DCLK2: variants seen among roughly 807,000 people sequenced by gnomAD.
DCLK2 encodes the protein serine/threonine-protein kinase DCLK2.
Under a neutral mutation model 78.4 loss-of-function variants are expected in DCLK2, and 31 were observed. That is an observed-to-expected ratio of 0.40 (90% CI 0.30 to 0.53). The LOEUF (loss-of-function observed/expected upper bound fraction) is 0.53. DCLK2 is among the 20% of genes least tolerant of loss of function. The probability of loss-of-function intolerance (pLI) is 0.61; values close to 1 mark genes in which losing one functional copy is unlikely to be tolerated. For synonymous variants in DCLK2, 407 were observed against 374.9 expected, an observed-to-expected ratio of 1.09 and a Z score of -0.99; for missense variants, 872 against 973.7, an observed-to-expected ratio of 0.90 and a Z score of 1.39.
chr4:150,134,318 G>T (rs1039859567), intron 2 of DCLK2, among the ~76,000 whole-genome samples: 1 of 151,994 alleles, frequency 6.6e-6, no homozygotes, highest in African/African-American at 2.4e-5. Context: ...CTGACCTCAG[G>T]TGATCCACCT....
chr4:150,165,618 A>G (rs539564731), intron 2 of DCLK2, among the ~76,000 whole-genome samples: 8 of 152,270 alleles, frequency 5.3e-5, no homozygotes, highest in Admixed American at 1.3e-4. Flanking sequence ...AAATTGGCCT[A>G]TAAAAAAGTA....
chr4:150,186,841 T>C (rs548233189), intron 2 of DCLK2, among the ~76,000 whole-genome samples: 1 of 151,956 alleles, frequency 6.6e-6, no homozygotes, highest in Non-Finnish European at 1.5e-5. Context: ...TGCAGTGAGC[T>C]GTGATCGTGC....
intron 5 of DCLK2, among the ~76,000 whole-genome samples, chr4:150,215,942 C>A (rs1197650446): frequency 6.6e-6 from 1 of 152,164 alleles, no homozygotes; most frequent in Non-Finnish European, 1.5e-5. Context: ...AGGCCTAAAG[C>A]ATCCCAACAT....
At chr4:150,190,392 A>C (rs1434719781) in intron 2 of DCLK2, among the ~76,000 whole-genome samples, 1 of 152,180 alleles carries the variant, frequency 6.6e-6, no homozygotes, top group African/African-American at 2.4e-5. Flanking sequence ...TCTGAAGCTA[A>C]AAATAACCCA....
At chr4:150,189,584 C>T (rs958204772) in intron 2 of DCLK2, among the ~76,000 whole-genome samples, 2 of 152,224 alleles carry the variant, frequency 1.3e-5, no homozygotes, top group East Asian at 1.9e-4. Flanking sequence ...AGTATAACCT[C>T]GTGGGATTGT....
Position 150,172,607 on chromosome 4 carries a change from C to CAA in DCLK2, c.757-20510_757-20509dup, listed in dbSNP as rs34267089. ...GGGGCAACAGAGCAAGACTCCGTCT[C>CAA]AAAAAAAAAAAAAAAAAAAAAAGAA... is the stretch of plus-strand genomic sequence containing the variant. On this transcript the variant is annotated intron_variant, in intron 2 of 15. Coordinates refer to ENST00000296550, the MANE Select transcript of DCLK2 (RefSeq NM_001040260.4). Among the ~76,000 whole-genome samples the CAA allele has an allele frequency of 2.6e-3, 182 of 70,016 alleles. 2 individuals carry two copies. The highest frequency in any genetic ancestry group is 0.015 in the Middle Eastern group (2 of 134). The allele number at this position is 70,016 out of a possible 152,430, so 45.9% of individuals were successfully genotyped here.
At chr4:150,250,512 C>A (rs1403229045) in intron 15 of DCLK2, among the ~76,000 whole-genome samples, 1 of 151,956 alleles carries the variant, frequency 6.6e-6, no homozygotes, top group Non-Finnish European at 1.5e-5. Flanking sequence ...TCCCCACACA[C>A]TCCCAGGAGC....
chr4:150,232,258 T>G, intron 8 of DCLK2, 79 bp from the exon 9 acceptor site: 1 of 1,533,750 alleles, frequency 6.5e-7, no homozygotes, highest in Middle Eastern at 1.8e-4. Flanking sequence ...AGGCTGTGTT[T>G]GTTTTGCTGT....
intron 2 of DCLK2, among the ~76,000 whole-genome samples, chr4:150,131,844 C>A (rs1733337210): frequency 6.6e-6 from 1 of 152,112 alleles, no homozygotes; most frequent in Admixed American, 6.5e-5. Flanking sequence ...GCCTCCCTTT[C>A]TTGAGACTAA....
chr4:150,197,880 A>G, intron 3 of DCLK2, 122 bp from the exon 4 acceptor site: 1 of 663,124 alleles, frequency 1.5e-6, no homozygotes, highest in Non-Finnish European at 2.5e-6. Context: ...TGTATGTTAA[A>G]TTGTTTAACA....
chr4:150,247,554 A>C (rs1743419816), intron 12 of DCLK2, 49 bp from the exon 13 acceptor site: 7 of 1,573,170 alleles, frequency 4.4e-6, no homozygotes, highest in Middle Eastern at 1.7e-4. Context: ...TTGTTGAAAA[A>C]TTCTACGGTG....
At chr4:150,203,768 C>T in intron 4 of DCLK2, 27 bp from the exon 5 acceptor site, 3 of 1,580,674 alleles carry the variant, frequency 1.9e-6, no homozygotes, top group Non-Finnish European at 2.6e-6. Context: ...AATGGGACTT[C>T]TGTCTTCTTT....
intron 10 of DCLK2, among the ~76,000 whole-genome samples, chr4:150,235,579 G>A (rs373806056): frequency 3.8e-4 from 58 of 152,228 alleles, no homozygotes; most frequent in African/African-American, 1.0e-3. Context: ...TGGAAGAGGC[G>A]AATATGTGAT....
intron 2 of DCLK2, among the ~76,000 whole-genome samples, chr4:150,103,052 C>T (rs1730998145): frequency 6.6e-6 from 1 of 152,016 alleles, no homozygotes; most frequent in African/African-American, 2.4e-5. Flanking sequence ...CTATCATATA[C>T]TTCTTTTGGT....
chr4:150,247,820 TC>T, intron 13 of DCLK2, 121 bp downstream of exon 13: 1 of 743,560 alleles, frequency 1.3e-6, no homozygotes, highest in Non-Finnish European at 2.1e-6. Flanking sequence ...AATGTGTGGT[TC>T]TTCTTTTAAG....
chr4:150,246,541 C>T (rs530201284), intron 12 of DCLK2, among the ~76,000 whole-genome samples: 24 of 152,294 alleles, frequency 1.6e-4, no homozygotes, highest in South Asian at 1.5e-3. Flanking sequence ...GCACACTCGC[C>T]GGGTAATACT....
At chr4:150,216,943 A>G (rs1233328649) in intron 5 of DCLK2, among the ~76,000 whole-genome samples, 3 of 152,196 alleles carry the variant, frequency 2.0e-5, no homozygotes, top group African/African-American at 4.8e-5. Flanking sequence ...GCTGCCATCC[A>G]TTATGCTTTG....
At chr4:150,114,300 T>A (rs1381100492) in intron 2 of DCLK2, among the ~76,000 whole-genome samples, 1 of 152,210 alleles carries the variant, frequency 6.6e-6, no homozygotes, top group Non-Finnish European at 1.5e-5. Context: ...GTCTCCTTGT[T>A]GACGTTCTGC....
chr4:150,174,430 A>G (rs1444868390), intron 2 of DCLK2, among the ~76,000 whole-genome samples: 3 of 152,152 alleles, frequency 2.0e-5, no homozygotes, highest in Non-Finnish European at 4.4e-5. Flanking sequence ...CGTGCCTTCC[A>G]TGCCACTCCC....
Sources: gnomAD v4.1 joint callset for allele counts (sites outside exome capture counted in the v4.1 genomes callset) on GRCh38, gnomAD v4.1.1 for gene constraint, MANE v1.5 for transcripts, NCBI Gene and HGNC (gene_info 2026-07-23, HGNC 2026-07-21) for gene names.